The following DLEU7 variants were observed in gnomAD, a reference collection of about 807,000 sequenced individuals.
DLEU7 encodes deleted in lymphocytic leukemia 7.
A neutral mutation model predicts 16.0 loss-of-function variants in DLEU7; 17 were observed. The ratio of observed to expected loss-of-function variants is 1.06; its 90% confidence interval spans 0.73 to 1.59. DLEU7 has a LOEUF of 1.59. Among genes scored for constraint, DLEU7 ranks in the 40% most tolerant of loss-of-function variants. DLEU7 has a pLI of 0.00. For missense variants in DLEU7, 308 were observed against 314.9 expected (o/e 0.98, Z 0.17); for synonymous variants, 113 against 139.8 (o/e 0.81, Z 1.35).
At chr13:50,771,800 T>A (rs1490481870) in intron 1 of DLEU7, among the ~76,000 whole-genome samples, 3 of 152,180 alleles carry the variant, frequency 2.0e-5, no homozygotes, top group Admixed American at 2.0e-4. Context: ...CAGAGCTGAG[T>A]TCAAGTCCTG....
At chr13:50,787,212 A>G (rs932625586) in intron 1 of DLEU7, among the ~76,000 whole-genome samples, 3 of 152,222 alleles carry the variant, frequency 2.0e-5, no homozygotes, top group Non-Finnish European at 2.9e-5. Flanking sequence ...TGTACTGACT[A>G]TGAGTTTTCC....
chr13:50,721,761 G>A (rs1237221229), intron 1 of DLEU7, among the ~76,000 whole-genome samples: 2 of 152,148 alleles, frequency 1.3e-5, no homozygotes, highest in Admixed American at 1.3e-4. Flanking sequence ...GGCAGCACTA[G>A]AAAGTCTAGG....
At chr13:50,815,137 C>T (rs1489728354) in intron 1 of DLEU7, among the ~76,000 whole-genome samples, 1 of 152,050 alleles carries the variant, frequency 6.6e-6, no homozygotes, top group African/African-American at 2.4e-5. Flanking sequence ...TTTTCCCCCG[C>T]CAAGAACTCA....
At chr13:50,729,110 T>C (rs1024161105) in intron 1 of DLEU7, among the ~76,000 whole-genome samples, 1 of 152,232 alleles carries the variant, frequency 6.6e-6, no homozygotes, top group Non-Finnish European at 1.5e-5. Context: ...GGTGTACAAA[T>C]TATTTAATCA....
intron 1 of DLEU7, among the ~76,000 whole-genome samples, chr13:50,743,927 C>T (rs1192300093): frequency 6.6e-6 from 1 of 152,172 alleles, no homozygotes; most frequent in Non-Finnish European, 1.5e-5. Flanking sequence ...GAGCTGCAAA[C>T]TCATCCTTCC....
At chr13:50,827,704 A>G (rs753076682) in intron 1 of DLEU7, among the ~76,000 whole-genome samples, 1 of 152,134 alleles carries the variant, frequency 6.6e-6, no homozygotes, top group Non-Finnish European at 1.5e-5. Flanking sequence ...AAGAAAAAAC[A>G]GATTATTGAC....
Position 50,843,358 on chromosome 13 carries a change from C to T in DLEU7, c.289G>A (p.Gly97Ser), listed in dbSNP as rs1877741924. The change falls in exon 1 of 2, where the codon GGC becomes AGC. Residue 97 changes from glycine (G) to serine (S), a missense_variant. Physicochemically the swap from Gly to Ser is moderately conservative, Grantham distance 56. Coordinates refer to ENST00000504404, the MANE Select transcript of DLEU7 (RefSeq NM_001306135.2). The surrounding 1 kb of genome is among the most constrained non-coding windows in gnomAD (Gnocchi z 5.7). ...CGGGGGAAGGGCAGCAACTCGGCGC[C>T]CCCCTCAGCGCCTCGCACTACCTCC... is the stretch of plus-strand genomic sequence containing the variant. The part of the protein sequence containing the change: ...EEEVVRGAEG[G>S]AELLPFPRDR... 8 of 1,437,096 alleles carry T rather than the reference C, an allele frequency of 5.6e-6. No individual in the cohort carries two copies. Among genetic ancestry groups the T allele is most frequent in the Non-Finnish European group, 7.3e-6 (8 of 1,096,634 alleles). 89.0% of individuals were successfully genotyped at this position (1,437,096 alleles called of 1,614,324 possible).
chr13:50,754,559 G>T (rs755059700), intron 1 of DLEU7, among the ~76,000 whole-genome samples: 22 of 152,186 alleles, frequency 1.4e-4, no homozygotes, highest in Non-Finnish European at 2.6e-4. Flanking sequence ...AAGTTTATGT[G>T]AGTCCTTATG....
At chr13:50,829,824 A>G (rs1276178053) in intron 1 of DLEU7, among the ~76,000 whole-genome samples, 1 of 152,218 alleles carries the variant, frequency 6.6e-6, no homozygotes, top group Non-Finnish European at 1.5e-5. Flanking sequence ...TCTGAAGGCC[A>G]ACTCTGGATC....
At chr13:50,751,883 G>A (rs984053689) in intron 1 of DLEU7, among the ~76,000 whole-genome samples, 2 of 149,606 alleles carry the variant, frequency 1.3e-5, no homozygotes, top group African/African-American at 5.0e-5. Flanking sequence ...CAAAGAACCA[G>A]CTTTTTGTTT....
At chr13:50,713,211 C>T (rs558407787) in exon 2 of DLEU7, 3 of 1,611,092 alleles carry the variant, frequency 1.9e-6, no homozygotes, top group East Asian at 2.2e-5. Context: ...CCTACAGTGA[C>T]CTTCTTCACT....
chr13:50,812,366 G>A (rs967874097), intron 1 of DLEU7, among the ~76,000 whole-genome samples: 4 of 152,112 alleles, frequency 2.6e-5, no homozygotes, highest in East Asian at 1.9e-4. Context: ...GATGCATTTC[G>A]GGTTTGACTG....
intron 1 of DLEU7, among the ~76,000 whole-genome samples, chr13:50,743,500 C>T (rs1013648098): frequency 6.6e-6 from 1 of 152,100 alleles, no homozygotes; most frequent in Non-Finnish European, 1.5e-5. Context: ...AACCTTCAAG[C>T]CTTAGTTTTC....
intron 1 of DLEU7, among the ~76,000 whole-genome samples, chr13:50,724,872 C>T (rs1873724860): frequency 6.6e-6 from 1 of 152,146 alleles, no homozygotes; most frequent in Admixed American, 6.5e-5. Context: ...GGTCCCATGC[C>T]AGCGATTAAA....
chr13:50,753,926 T>C (rs2137737483), intron 1 of DLEU7, among the ~76,000 whole-genome samples: 1 of 152,392 alleles, frequency 6.6e-6, no homozygotes, highest in East Asian at 1.9e-4. Flanking sequence ...ATTTCGTTTT[T>C]TGACCAAGTG....
intron 1 of DLEU7, among the ~76,000 whole-genome samples, chr13:50,762,372 C>T (rs921931872): frequency 7.9e-4 from 120 of 152,152 alleles, no homozygotes; most frequent in African/African-American, 2.8e-3. Context: ...ATGCCTACTC[C>T]TGGAGCATTA....
intron 1 of DLEU7, among the ~76,000 whole-genome samples, chr13:50,754,867 CTTG>C (rs1378823647): frequency 1.3e-5 from 2 of 152,094 alleles, no homozygotes; most frequent in African/African-American, 4.8e-5. Context: ...TTTAGCAGTT[CTTG>C]TTGTAGTGGT....
rs147084670 is a variant in DLEU7 at position 50,768,138 on chromosome 13, G to T, written c.460-54898C>A. Among the ~76,000 whole-genome samples the T allele has an allele frequency of 4.2e-3, 645 of 152,194 alleles. 30 individuals are homozygous for T. The South Asian group carries it at 0.088, about 21-fold the overall frequency. On this transcript the variant is annotated intron_variant, in intron 1 of 1. Coordinates refer to the DLEU7 transcript ENST00000400393. ...TCTTCAGCCAAAGAACATCTGTGAG[G>T]CTTTCCGGTAATATGGGTCTGCTGG...
At chr13:50,718,285 T>C (rs921709492) in intron 1 of DLEU7, among the ~76,000 whole-genome samples, 2 of 152,142 alleles carry the variant, frequency 1.3e-5, no homozygotes, top group African/African-American at 4.8e-5. Flanking sequence ...AAACATAACA[T>C]GGAAACATAT....
Sources: gnomAD v4.1 joint callset for allele counts (sites outside exome capture counted in the v4.1 genomes callset) on GRCh38, gnomAD v4.1.1 for gene constraint, Gnocchi (gnomAD v3.1) non-coding constraint, MANE v1.5 for transcripts, NCBI Gene and HGNC (gene_info 2026-07-23, HGNC 2026-07-21) for gene names.